PGM1: variants seen among roughly 807,000 people sequenced by gnomAD.
PGM1 encodes the protein phosphoglucomutase 1.
Under a neutral mutation model 55.6 loss-of-function variants are expected in PGM1, and 52 were observed. The ratio of observed to expected loss-of-function variants is 0.94; its 90% CI spans 0.75 to 1.18. PGM1 has a LOEUF of 1.18. Among genes scored for constraint, PGM1 ranks in the 50% most tolerant of loss-of-function variants. PGM1 has a pLI of 0.00. For synonymous variants in PGM1, 287 were observed against 271.7 expected, an observed-to-expected ratio of 1.06 and a Z score of -0.55; for missense variants, 724 against 729.3, an observed-to-expected ratio of 0.99 and a Z score of 0.08.
intron 8 of PGM1, among the ~76,000 whole-genome samples, chr1:63,649,294 G>C (rs1472196940): frequency 6.6e-6 from 1 of 152,122 alleles, no homozygotes; most frequent in African/African-American, 2.4e-5. Flanking sequence ...ATTCAGCAGT[G>C]AACAAAATAC....
chr1:63,640,060 T>C (rs555466296), intron 7 of PGM1, among the ~76,000 whole-genome samples: 1 of 152,300 alleles, frequency 6.6e-6, no homozygotes, highest in African/African-American at 2.4e-5. Context: ...TTCTACTTCA[T>C]ATAATGGGCA....
intron 1 of PGM1, among the ~76,000 whole-genome samples, chr1:63,606,999 A>T (rs1648437865): frequency 6.6e-6 from 1 of 152,188 alleles, no homozygotes; most frequent in Non-Finnish European, 1.5e-5. Flanking sequence ...TAATTTACCC[A>T]CTTAAAGTGA....
intron 1 of PGM1, among the ~76,000 whole-genome samples, chr1:63,600,572 C>A (rs1454478886): frequency 6.6e-6 from 1 of 152,064 alleles, no homozygotes; most frequent in Non-Finnish European, 1.5e-5. Context: ...AAGATAAGTT[C>A]TCTGAAGAAA....
intron 2 of PGM1, 75 bp from the exon 3 acceptor site, chr1:63,629,867 C>A (rs769904996): frequency 1.3e-6 from 2 of 1,530,892 alleles, no homozygotes; most frequent in Non-Finnish European, 1.8e-6. Flanking sequence ...TGAAGAGGAA[C>A]TGATGAGCTT....
chr1:63,635,126 G>T, intron 5 of PGM1, 107 bp downstream of exon 5: 4 of 925,770 alleles, frequency 4.3e-6, no homozygotes, highest in Non-Finnish European at 7.2e-6. Context: ...AACTGTTAAG[G>T]ATCCCTCATT....
chr1:63,598,912 A>G (rs1347230064), intron 1 of PGM1, among the ~76,000 whole-genome samples: 7 of 152,096 alleles, frequency 4.6e-5, no homozygotes, highest in African/African-American at 1.2e-4. Context: ...TAGTGGAGGA[A>G]CTCCACTGTC....
At chr1:63,623,403 T>C (rs1448228744) in intron 1 of PGM1, 7 of 1,568,806 alleles carry the variant, frequency 4.5e-6, no homozygotes, top group Non-Finnish European at 4.3e-6. Context: ...AGACCTATTT[T>C]GGAGTCCCTT....
intron 4 of PGM1, among the ~76,000 whole-genome samples, chr1:63,634,297 G>A (rs1649302859): frequency 6.6e-6 from 1 of 151,990 alleles, no homozygotes; most frequent in African/African-American, 2.4e-5. Context: ...GTACTTCATA[G>A]CTATTAACTC....
Position 63,631,906 on chromosome 1 carries a change from T to G in PGM1, c.682+124T>G, listed in dbSNP as rs990854523. ...CTCTGATGGTTTTTAAATAGAGTTA[T>G]TTTGCAACCAGAGCAATATTCACAC... On this transcript the variant is annotated intron_variant, in intron 4 of 10. Transcript: ENST00000371084. 3 of 943,686 alleles carry G rather than the reference T, an allele frequency of 3.2e-6. No individual in the cohort carries two copies. The Admixed American group carries it at 5.5e-5, about 17-fold the overall frequency. The allele number at this position is 943,686 out of a possible 1,614,324, so 58.5% of individuals were successfully genotyped here.
intron 1 of PGM1, chr1:63,623,700 T>C: frequency 1.2e-6 from 2 of 1,612,618 alleles, no homozygotes; most frequent in Non-Finnish European, 8.5e-7. Flanking sequence ...TTGGTGGAGA[T>C]GGGCGGTACT....
In PGM1 at chr1:63,631,704, A is replaced by G. The variant is rs1239696565; in HGVS notation, c.604A>G (p.Ile202Val). ...AGCTTATGCTACAATGCTGAGAAGC[A>G]TCTTTGATTTCAGTGCACTGAAAGA... Reference protein sequence around the residue: ...VEAYATMLRSIFDFSALKELL... With the variant: ...VEAYATMLRSVFDFSALKELL... The change falls in exon 4 of 11, where the codon ATC (isoleucine) becomes GTC (valine). Residue 202 changes from isoleucine to valine, a missense_variant. Physicochemically the swap from Ile to Val is conservative, Grantham distance 29 (BLOSUM62 3). Coordinates refer to ENST00000371084, the MANE Select transcript of PGM1 (RefSeq NM_002633.3). 3 of 1,613,208 alleles carry G rather than the reference A, an allele frequency of 1.9e-6. No homozygotes were observed. Among genetic ancestry groups the G allele is most frequent in the Non-Finnish European group, 2.5e-6 (3 of 1,179,138 alleles).
chr1:63,654,968 T>TC (rs1491376908), intron 10 of PGM1, among the ~76,000 whole-genome samples: 123 of 99,448 alleles, frequency 1.2e-3, no homozygotes, highest in African/African-American at 6.0e-3. Context: ...TGAATCTCTC[T>TC]TTTTTTTTTT....
At chr1:63,622,208 A>G (rs1648898843) in intron 1 of PGM1, among the ~76,000 whole-genome samples, 1 of 152,118 alleles carries the variant, frequency 6.6e-6, no homozygotes, top group Non-Finnish European at 1.5e-5. Context: ...TATTTTTAGC[A>G]GAGACAGGGT....
chr1:63,617,376 A>G (rs1440938928), intron 1 of PGM1, among the ~76,000 whole-genome samples: 1 of 152,126 alleles, frequency 6.6e-6, no homozygotes, highest in Non-Finnish European at 1.5e-5. Flanking sequence ...GAGGCCTGAC[A>G]CACAAGGACT....
intron 8 of PGM1, 69 bp downstream of exon 8, chr1:63,648,721 A>T: frequency 1.3e-6 from 2 of 1,527,176 alleles, no homozygotes; most frequent in Non-Finnish European, 1.8e-6. Context: ...TTGCGCATCC[A>T]CAGCCTCTCC....
rs1570493776 is a variant in PGM1 at position 63,629,548 on chromosome 1, A to G, written c.370A>G (p.Asn124Asp). 1 of 1,613,876 alleles carries G rather than the reference A, an allele frequency of 6.2e-7. No individual in the cohort carries two copies. Among genetic ancestry groups the G allele is most frequent in the East Asian group, 2.2e-5 (1 of 44,874 alleles). The change falls in exon 2 of 11, where the codon AAT becomes GAT. Residue 124 changes from asparagine to aspartate, a missense_variant. By Grantham distance (23) the Asn-to-Asp change is conservative. Around this residue, in one of 3 missense-constraint regions of PGM1, gnomAD observed 379 missense variants for 357.5 expected, o/e 1.06. Transcript: ENST00000371084. The stretch of plus-strand genomic sequence containing the variant: ...AGCCAGTCACAACCCAGGGGGCCCC[A>G]ATGGAGATTTTGGAATCAAATTCAA... ...LTASHNPGGP[N>D]GDFGIKFNIS...
intron 1 of PGM1, among the ~76,000 whole-genome samples, chr1:63,598,141 G>A (rs116627333): frequency 0.021 from 3,212 of 151,994 alleles, 125 homozygotes; most frequent in African/African-American, 0.074. Flanking sequence ...CTGGCTAATT[G>A]TTTTATATTT....
intron 1 of PGM1, among the ~76,000 whole-genome samples, chr1:63,611,448 GCCTTAACCCCTGAGGTCACACAGGT>G (rs1250996447): frequency 2.6e-5 from 4 of 152,134 alleles, no homozygotes; most frequent in African/African-American, 9.7e-5. Context: ...TGACTCAGCT[GCCTTAACCCCTGAGGTCACACAGGT>G]CCTTAACCCC....
intron 1 of PGM1, 134 bp from the exon 2 acceptor site, chr1:63,629,287 TTAAA>T: frequency 2.6e-6 from 2 of 775,910 alleles, no homozygotes; most frequent in Non-Finnish European, 4.6e-6. Context: ...CAGATTTTTA[TTAAA>T]TAAAATCTTT....
Sources: gnomAD v4.1 joint callset for allele counts (sites outside exome capture counted in the v4.1 genomes callset) on GRCh38, gnomAD v4.1.1 for gene constraint, gnomAD v4.1.1 regional missense constraint, MANE v1.5 for transcripts, NCBI Gene and HGNC (gene_info 2026-07-23, HGNC 2026-07-21) for gene names.